The following POLE2 variants were observed in gnomAD, a reference collection of about 807,000 sequenced individuals.
POLE2 encodes the protein DNA polymerase epsilon subunit 2.
POLE2 carries 56 observed loss-of-function variants against 79.4 expected under a neutral mutation model. The ratio of observed to expected loss-of-function variants is 0.71; its 90% CI spans 0.57 to 0.88. The LOEUF is 0.88. Among genes scored for constraint, POLE2 ranks in the 40% least tolerant of loss-of-function variants. The pLI is 0.00. For synonymous variants in POLE2, 212 were observed against 214.0 expected, an observed-to-expected ratio of 0.99 and a Z score of 0.08; for missense variants, 598 against 638.9, an observed-to-expected ratio of 0.94 and a Z score of 0.69.
At chr14:49,665,564 G>T (rs1256826746) in intron 7 of POLE2, among the ~76,000 whole-genome samples, 1 of 152,112 alleles carries the variant, frequency 6.6e-6, no homozygotes, top group African/African-American at 2.4e-5. Context: ...CTAATTTCAG[G>T]CTATGCAAAC....
intron 12 of POLE2, 72 bp downstream of exon 12, chr14:49,654,930 ATAT>A: frequency 1.2e-5 from 17 of 1,365,008 alleles, no homozygotes; most frequent in Admixed American, 2.6e-5. Context: ...CTTAATTAAA[ATAT>A]TATGGATAAT....
chr14:49,658,775 A>G (rs1884892859), intron 10 of POLE2, among the ~76,000 whole-genome samples: 1 of 152,236 alleles, frequency 6.6e-6, no homozygotes, highest in African/African-American at 2.4e-5. Flanking sequence ...CAGTTGTAGG[A>G]AAGTACAGCA....
chr14:49,661,458 T>C (rs1173380949), intron 10 of POLE2, among the ~76,000 whole-genome samples: 3 of 152,180 alleles, frequency 2.0e-5, no homozygotes, highest in African/African-American at 7.2e-5. Flanking sequence ...GTTAAGCATA[T>C]ACCCAAACAT....
At chr14:49,669,398 C>G in intron 6 of POLE2, 126 bp downstream of exon 6, 1 of 601,720 alleles carries the variant, frequency 1.7e-6, no homozygotes, top group South Asian at 2.0e-5. Flanking sequence ...GGGCATGCAG[C>G]CCATCCAGTT....
At position 49,643,690 on chromosome 14, in the gene POLE2, T is replaced by A. The variant is rs767058777; in HGVS notation, c.1566-20A>T. 25 of 1,277,386 alleles carry A rather than the reference T, an allele frequency of 2.0e-5. No homozygotes were observed. The highest frequency in any genetic ancestry group is 2.6e-5 in the Non-Finnish European group (23 of 896,806). 79.1% of individuals were successfully genotyped at this position (1,277,386 alleles called of 1,614,324 possible). A position where few individuals can be genotyped will look rare whatever the true frequency, so the allele number is the denominator to read the frequency against. ...AGTTTGCTGAAAATAGAAAAAAAAA[T>A]TAAATATTTGGAAACCTAAGTTGTA... On this transcript the variant is annotated intron_variant, in intron 18 of 18. Coordinates refer to ENST00000216367, the MANE Select transcript of POLE2 (RefSeq NM_002692.4).
At chr14:49,653,453 T>C (rs1884423658) in intron 15 of POLE2, among the ~76,000 whole-genome samples, 1 of 152,226 alleles carries the variant, frequency 6.6e-6, no homozygotes, top group Admixed American at 6.5e-5. Flanking sequence ...ATTTTTAAAC[T>C]GCTATCCATT....
intron 1 of POLE2, among the ~76,000 whole-genome samples, chr14:49,687,051 C>T (rs951176392): frequency 5.9e-5 from 9 of 151,956 alleles, no homozygotes; most frequent in African/African-American, 2.2e-4. Context: ...TGGGAGGCCA[C>T]GGCGCGAGGA....
chr14:49,660,374 T>A (rs533772435), intron 10 of POLE2, among the ~76,000 whole-genome samples: 1 of 152,338 alleles, frequency 6.6e-6, no homozygotes, highest in East Asian at 1.9e-4. Flanking sequence ...TGTATATACA[T>A]ATATAAAGTA....
chr14:49,651,895 C>G (rs1158579929), intron 15 of POLE2, among the ~76,000 whole-genome samples: 2 of 151,964 alleles, frequency 1.3e-5, no homozygotes, highest in Non-Finnish European at 2.9e-5. Flanking sequence ...ACAGATGGAG[C>G]CCAGGCCCTC....
intron 3 of POLE2, chr14:49,679,496 A>G: frequency 2.5e-6 from 1 of 402,266 alleles, no homozygotes; most frequent in Non-Finnish European, 4.4e-6. Context: ...AAAGTTAGTA[A>G]TGAATGGTAC....
chr14:49,681,021 C>T (rs1886664684), intron 2 of POLE2, among the ~76,000 whole-genome samples: 2 of 152,142 alleles, frequency 1.3e-5, no homozygotes, highest in Admixed American at 1.3e-4. Flanking sequence ...AACCATTTAT[C>T]CTGTATCACG....
chr14:49,670,898 T>G (rs1885837135), intron 5 of POLE2, among the ~76,000 whole-genome samples: 1 of 152,222 alleles, frequency 6.6e-6, no homozygotes, highest in Non-Finnish European at 1.5e-5. Flanking sequence ...CTTTTTCAGT[T>G]TTAATCTATT....
chr14:49,650,402 G>A lies in POLE2; in HGVS notation c.1360C>T (p.Leu454=), dbSNP rs1253100869. The part of the protein sequence containing the change: ...TILSQGHLTP[L]PLYVCPVYWA... The stretch of plus-strand genomic sequence containing the variant: ...TACACTGGGCAGACATAAAGAGGTA[G>A]GGGAGTCAGATGTCCTTGGGATAAG... Residue 454 remains leucine (L), a synonymous_variant, in exon 17 of 19, where the codon CTA becomes TTA. Coordinates refer to ENST00000216367, the MANE Select transcript of POLE2 (RefSeq NM_002692.4). 1.3e-6 allele frequency: 2 copies of A among 1,579,784 alleles called. No homozygotes were observed. Among genetic ancestry groups the A allele is most frequent in the South Asian group, 2.3e-5 (2 of 86,090 alleles).
chr14:49,650,967 A>G (rs1414399342), intron 16 of POLE2, among the ~76,000 whole-genome samples: 1 of 152,214 alleles, frequency 6.6e-6, no homozygotes, highest in Non-Finnish European at 1.5e-5. Flanking sequence ...ACAGTTTATT[A>G]AAACAAATAT....
At chr14:49,665,631 T>C (rs1015780192) in intron 7 of POLE2, among the ~76,000 whole-genome samples, 1 of 151,398 alleles carries the variant, frequency 6.6e-6, no homozygotes, top group Non-Finnish European at 1.5e-5. Flanking sequence ...CAAACACAGA[T>C]GAAAAAGACA....
At chr14:49,680,499 T>A (rs1469642358) in intron 2 of POLE2, among the ~76,000 whole-genome samples, 2 of 152,208 alleles carry the variant, frequency 1.3e-5, no homozygotes, top group Non-Finnish European at 2.9e-5. Context: ...TGTGGCACCA[T>A]CCTCAGTACT....
chr14:49,663,528 C>T (rs938999196), intron 9 of POLE2, 141 bp from the exon 10 acceptor site: 8 of 447,448 alleles, frequency 1.8e-5, no homozygotes, highest in Admixed American at 7.8e-5. Context: ...CAATGAACCA[C>T]AGTGAACAAC....
chr14:49,654,403 T>C, intron 13 of POLE2, 189 bp from the exon 14 acceptor site: 1 of 559,126 alleles, frequency 1.8e-6, no homozygotes, highest in Non-Finnish European at 3.2e-6. Flanking sequence ...AAAAGTTCTA[T>C]ATCTGCACTG....
chr14:49,669,216 T>C (rs755919886), intron 6 of POLE2, among the ~76,000 whole-genome samples: 3 of 152,098 alleles, frequency 2.0e-5, no homozygotes, highest in Non-Finnish European at 4.4e-5. Context: ...AGAAAAGAAA[T>C]GTTGAAAAGT....
Sources: allele counts gnomAD v4.1 joint callset (sites outside exome capture counted in the v4.1 genomes callset), GRCh38; gene constraint gnomAD v4.1.1; transcripts MANE v1.5; gene names NCBI Gene and HGNC (gene_info 2026-07-23, HGNC 2026-07-21).